KRT8: variants seen among roughly 807,000 people sequenced by gnomAD.
KRT8 encodes keratin 8, also known as keratin, type II cytoskeletal 8.
In KRT8, 24 loss-of-function variants were observed where a neutral mutation model predicts 43.0. The ratio of observed to expected loss-of-function variants is 0.56; its 90% CI spans 0.40 to 0.78. The LOEUF is 0.78. Ranked by LOEUF, KRT8 falls within the 30% of genes least tolerant of loss-of-function variation. The pLI is 0.00. For missense variants in KRT8, 492 were observed against 638.4 expected, an observed-to-expected ratio of 0.77 and a Z score of 2.47; for synonymous variants, 214 against 261.2, an observed-to-expected ratio of 0.82 and a Z score of 1.74.
intron 2 of KRT8, among the ~76,000 whole-genome samples, chr12:52,929,908 C>T: frequency 6.6e-6 from 1 of 152,172 alleles, no homozygotes; most frequent in East Asian, 1.9e-4. Context: ...GGATGTCCCA[C>T]CTAAGCCTCA....
At chr12:52,902,655 T>G (rs1201153507) in intron 1 of KRT8, among the ~76,000 whole-genome samples, 1 of 151,998 alleles carries the variant, frequency 6.6e-6, no homozygotes, top group Admixed American at 6.5e-5. Flanking sequence ...CCCAAAGTGC[T>G]GGGATTATAG....
rs1942406410 is a variant in KRT8 at position 52,949,057 on chromosome 12, G to A, written c.-47+399C>T. On this transcript the variant is annotated intron_variant, in intron 2 of 6. Coordinates refer to the KRT8 transcript ENST00000546826. ...ACCTGTGGCTCCGGCTTCCGAAGCG[G>A]CTCCGGGGCGGGGGCGGGGCCTCAC... 13 of 1,000,574 alleles carry A rather than the reference G, an allele frequency of 1.3e-5. No individual in the cohort carries two copies. In the South Asian group the frequency reaches 1.7e-4, roughly 13 times the overall value. The allele number at this position is 1,000,574 out of a possible 1,614,324, so 62.0% of individuals were successfully genotyped here.
At chr12:52,903,536 G>A (rs7964223) in intron 1 of KRT8, 55,648 of 152,102 alleles carry the variant, frequency 0.37, 10,515 homozygotes, top group Middle Eastern at 0.41. Flanking sequence ...ATGCCTCCCA[G>A]GAGCCAGTCA....
intron 2 of KRT8, among the ~76,000 whole-genome samples, chr12:52,929,148 A>G (rs915126644): frequency 1.3e-5 from 2 of 150,386 alleles, no homozygotes; most frequent in African/African-American, 4.9e-5. Flanking sequence ...TCCCTGGAAT[A>G]GTGGATACCA....
intron 2 of KRT8, among the ~76,000 whole-genome samples, chr12:52,936,234 A>G (rs891049777): frequency 3.3e-4 from 51 of 152,250 alleles, no homozygotes; most frequent in African/African-American, 1.1e-3. Context: ...CCTGGGAGAT[A>G]GAGGAAGATT....
chr12:52,901,333 G>A lies in KRT8; in HGVS notation c.534-114C>T. ...GGAAAATTCAGTTCACAGAGATGCAGGATATGAGAAGGCTGGTCCTTCTGC... is the reference window on the plus strand; with the variant it reads ...GGAAAATTCAGTTCACAGAGATGCAAGATATGAGAAGGCTGGTCCTTCTGC... On this transcript the variant is annotated intron_variant, in intron 2 of 7. Transcript: ENST00000692008. The A allele has an allele frequency of 5.1e-6, 4 of 791,806 alleles. No individual in the cohort carries two copies. In the South Asian group the frequency reaches 5.5e-5, roughly 11 times the overall value. 49.0% of individuals were successfully genotyped at this position (791,806 alleles called of 1,614,324 possible).
chr12:52,902,728 G>T (rs1019270424), intron 1 of KRT8, among the ~76,000 whole-genome samples: 1 of 151,938 alleles, frequency 6.6e-6, no homozygotes, highest in African/African-American at 2.4e-5. Context: ...GATTGAAAAA[G>T]AGGCCGGGCG....
chr12:52,901,527 G>A (rs1358400344), intron 2 of KRT8: 3 of 551,614 alleles, frequency 5.4e-6, no homozygotes, highest in Non-Finnish European at 9.7e-6. Context: ...AGAGGTCAAG[G>A]GTCAAGACTA....
Position 52,918,859 on chromosome 12 carries a change from A to G in KRT8, c.-46-13832T>C, listed in dbSNP as rs547994417. Among the ~76,000 whole-genome samples the G allele has an allele frequency of 7.2e-5, 11 of 151,958 alleles. No individual in the cohort carries two copies. In the East Asian group the frequency reaches 1.9e-3, roughly 27 times the overall value. On this transcript the variant is annotated intron_variant, in intron 2 of 6. Transcript: ENST00000546826. The stretch of plus-strand genomic sequence containing the variant: ...CCCCCATGGAACTTGTGTTCACATC[A>G]CTTTGATACATTTGCCTTGTGAGAG...
chr12:52,925,835 G>C (rs887664523), intron 2 of KRT8, among the ~76,000 whole-genome samples: 1 of 152,228 alleles, frequency 6.6e-6, no homozygotes, highest in South Asian at 2.1e-4. Flanking sequence ...AGGAGGTGGA[G>C]CCTACCAACA....
chr12:52,935,146 C>T (rs2120709689), intron 2 of KRT8, among the ~76,000 whole-genome samples: 1 of 151,380 alleles, frequency 6.6e-6, no homozygotes, highest in African/African-American at 2.4e-5. Context: ...TTTGGGAGGC[C>T]AAGGCAGATT....
exon 4 of KRT8, chr12:52,900,624 G>C (rs150187239): frequency 1.2e-6 from 2 of 1,613,016 alleles, no homozygotes; most frequent in Admixed American, 1.7e-5. Context: ...TGATCTCGTC[G>C]GTCAGCCCTT....
chr12:52,941,420 G>T (rs1405916954), intron 2 of KRT8, among the ~76,000 whole-genome samples: 1 of 149,024 alleles, frequency 6.7e-6, no homozygotes. Context: ...ACGGTGCCAA[G>T]TGTTCTATCT....
intron 2 of KRT8, chr12:52,949,205 C>T (rs1381635123): frequency 1.2e-6 from 2 of 1,611,802 alleles, no homozygotes; most frequent in East Asian, 4.5e-5. Context: ...ACCTTCTCCA[C>T]CAACTACCGG....
chr12:52,899,710 C>G, intron 5 of KRT8, 65 bp downstream of exon 5: 1 of 1,458,368 alleles, frequency 6.9e-7, no homozygotes, highest in East Asian at 2.3e-5. Context: ...TTCACTCTTC[C>G]TACATTATCT....
intron 2 of KRT8, among the ~76,000 whole-genome samples, chr12:52,921,506 C>G (rs1941885611): frequency 6.6e-6 from 1 of 152,162 alleles, no homozygotes; most frequent in African/African-American, 2.4e-5. Flanking sequence ...ATGGCCTGAC[C>G]CTATCCTACT....
chr12:52,907,857 G>A (rs1037472881), upstream of KRT8, among the ~76,000 whole-genome samples: 12 of 152,220 alleles, frequency 7.9e-5, no homozygotes, highest in African/African-American at 2.4e-5. Context: ...AGGCCCCTGG[G>A]ACTAGGGCCA....
At chr12:52,902,099 G>A in intron 1 of KRT8, 27 bp from the exon 2 acceptor site, 1 of 1,458,828 alleles carries the variant, frequency 6.9e-7, no homozygotes, top group Non-Finnish European at 9.5e-7. Context: ...AGAGCAAAAA[G>A]GTCTACATCA....
intron 2 of KRT8, among the ~76,000 whole-genome samples, chr12:52,926,733 C>T (rs1268095456): frequency 1.3e-5 from 2 of 152,084 alleles, no homozygotes; most frequent in Admixed American, 1.3e-4. Context: ...GTTCAGTCTT[C>T]TTATCCTTAT....
Sources: allele counts gnomAD v4.1 joint callset (sites outside exome capture counted in the v4.1 genomes callset), GRCh38; gene constraint gnomAD v4.1.1; transcripts MANE v1.5; gene names NCBI Gene and HGNC (gene_info 2026-07-23, HGNC 2026-07-21).